Variants in CYP7B1 observed in about 807,000 individuals in gnomAD.
CYP7B1 encodes cytochrome P450 7B1.
CYP7B1 carries 29 observed loss-of-function variants against 42.7 expected under a neutral mutation model. The observed-to-expected ratio is 0.68, with a 90% CI of 0.51 to 0.93. The LOEUF is 0.93. Among genes scored for constraint, CYP7B1 ranks in the 40% least tolerant of loss-of-function variants. The pLI is 0.00. For synonymous variants in CYP7B1, 235 were observed against 218.2 expected, an observed-to-expected ratio of 1.08 and a Z score of -0.68; for missense variants, 655 against 600.5, an observed-to-expected ratio of 1.09 and a Z score of -0.95.
chr8:64,619,710 A>G (rs1805498966), intron 2 of CYP7B1, among the ~76,000 whole-genome samples: 2 of 152,182 alleles, frequency 1.3e-5, no homozygotes, highest in Non-Finnish European at 2.9e-5. Context: ...TTCCGTTAAA[A>G]TTAATTCTTT....
At chr8:64,602,938 T>C (rs1008667026) in intron 5 of CYP7B1, among the ~76,000 whole-genome samples, 3 of 152,062 alleles carry the variant, frequency 2.0e-5, no homozygotes, top group Admixed American at 2.0e-4. Context: ...AGCTATATCA[T>C]TTTTTTTCTG....
At chr8:64,638,655 G>A (rs1805809211) in intron 1 of CYP7B1, among the ~76,000 whole-genome samples, 3 of 152,100 alleles carry the variant, frequency 2.0e-5, no homozygotes, top group Non-Finnish European at 1.5e-5. Context: ...AGTTATACAA[G>A]TTGTTAGTTA....
intron 1 of CYP7B1, among the ~76,000 whole-genome samples, chr8:64,655,786 A>T (rs1402482229): frequency 6.6e-6 from 1 of 151,980 alleles, no homozygotes; most frequent in African/African-American, 2.4e-5. Context: ...TGAAACAGAT[A>T]AAAAAATGTG....
chr8:64,761,206 G>A (rs980923460), intron 1 of CYP7B1, among the ~76,000 whole-genome samples: 4 of 152,126 alleles, frequency 2.6e-5, no homozygotes, highest in Non-Finnish European at 5.9e-5. Context: ...ATGGGTAGAT[G>A]TTAGTCAAAG....
chr8:64,731,396 CAA>C (rs929446904), intron 1 of CYP7B1, among the ~76,000 whole-genome samples: 15 of 152,062 alleles, frequency 9.9e-5, no homozygotes, highest in African/African-American at 2.9e-4. Flanking sequence ...TATGTTTTAG[CAA>C]AGAGACTGGC....
At chr8:64,651,873 AGCC>A (rs1333597059) in intron 1 of CYP7B1, among the ~76,000 whole-genome samples, 1 of 152,208 alleles carries the variant, frequency 6.6e-6, no homozygotes, top group African/African-American at 2.4e-5. Context: ...CTGTTATAAT[AGCC>A]TGAATGAACT....
chr8:64,730,863 G>C (rs1248824721), intron 1 of CYP7B1, among the ~76,000 whole-genome samples: 2 of 152,002 alleles, frequency 1.3e-5, no homozygotes, highest in African/African-American at 4.8e-5. Flanking sequence ...CATACTAGGG[G>C]AGGGATCTTG....
intron 1 of CYP7B1, among the ~76,000 whole-genome samples, chr8:64,793,113 A>G (rs1804647229): frequency 6.6e-6 from 1 of 152,214 alleles, no homozygotes; most frequent in South Asian, 2.1e-4. Flanking sequence ...TAGACGGTCC[A>G]GAAGGAATAC....
At chr8:64,780,182 T>C (rs988195645) in intron 1 of CYP7B1, among the ~76,000 whole-genome samples, 1 of 152,134 alleles carries the variant, frequency 6.6e-6, no homozygotes, top group Non-Finnish European at 1.5e-5. Context: ...TCAATTTGTA[T>C]GCAGTTTGTA....
chr8:64,704,915 T>C (rs897466589), intron 1 of CYP7B1, among the ~76,000 whole-genome samples: 2 of 152,060 alleles, frequency 1.3e-5, no homozygotes, highest in Non-Finnish European at 2.9e-5. Flanking sequence ...CTACACTTAC[T>C]TAGTTCCACT....
chr8:64,606,397 A>G (rs1359036719), intron 4 of CYP7B1, among the ~76,000 whole-genome samples: 1 of 152,230 alleles, frequency 6.6e-6, no homozygotes, highest in Non-Finnish European at 1.5e-5. Context: ...ATAGCACAGC[A>G]TCCTTTTAGC....
intron 1 of CYP7B1, among the ~76,000 whole-genome samples, chr8:64,763,193 C>T (rs1016118795): frequency 2.6e-5 from 4 of 152,204 alleles, no homozygotes; most frequent in African/African-American, 9.6e-5. Context: ...TGCTCCTGAT[C>T]GGGCTAAAGG....
chr8:64,693,361 G>A (rs1806776836), intron 1 of CYP7B1, among the ~76,000 whole-genome samples: 1 of 152,168 alleles, frequency 6.6e-6, no homozygotes, highest in African/African-American at 2.4e-5. Flanking sequence ...ACAGGCATGT[G>A]TCTTTGTGTG....
At chr8:64,777,889 T>TA (rs1166394318) in intron 1 of CYP7B1, among the ~76,000 whole-genome samples, 4 of 151,842 alleles carry the variant, frequency 2.6e-5, no homozygotes, top group Admixed American at 6.6e-5. Context: ...TCAATTTCTG[T>TA]AAAAAAATAA....
intron 1 of CYP7B1, among the ~76,000 whole-genome samples, chr8:64,736,461 A>AT (rs1225036730): frequency 6.6e-6 from 1 of 151,972 alleles, no homozygotes; most frequent in Non-Finnish European, 1.5e-5. Context: ...TATTTATTTT[A>AT]TTTTTTTGAG....
rs1327050853 is a variant in CYP7B1, at chr8:64,596,409, G to A, written c.*233C>T. The A allele has an allele frequency of 1.6e-5, 7 of 450,316 alleles. No homozygotes were observed. The East Asian group carries it at 2.7e-4, about 18-fold the overall frequency. 27.9% of individuals were successfully genotyped at this position (450,316 alleles called of 1,614,324 possible). A position where few individuals can be genotyped will look rare whatever the true frequency, so the allele number is the denominator to read the frequency against. On this transcript the variant is annotated 3_prime_UTR_variant, in exon 6 of 6. Transcript: ENST00000310193. ...AAACTAAAAAAACAACAACAACCCT[G>A]TTTTGAGCCTACCCTTAAGTTGATT...
intron 2 of CYP7B1, among the ~76,000 whole-genome samples, chr8:64,620,925 A>C (rs1805521216): frequency 6.6e-6 from 1 of 152,196 alleles, no homozygotes; most frequent in Non-Finnish European, 1.5e-5. Flanking sequence ...TTGAAAAGTG[A>C]ATAAAGTGAT....
intron 1 of CYP7B1, among the ~76,000 whole-genome samples, chr8:64,698,792 C>A (rs1469682117): frequency 2.0e-5 from 3 of 151,880 alleles, no homozygotes; most frequent in African/African-American, 7.3e-5. Context: ...AAAGAATGAC[C>A]CAAATTAGTA....
intron 1 of CYP7B1, among the ~76,000 whole-genome samples, chr8:64,691,932 CA>C (rs1019926515): frequency 2.6e-5 from 4 of 152,228 alleles, no homozygotes; most frequent in Admixed American, 1.3e-4. Flanking sequence ...ATACCTCAAA[CA>C]TGTTTTTTCT....
Sources: gnomAD v4.1 joint callset for allele counts (sites outside exome capture counted in the v4.1 genomes callset) on GRCh38, gnomAD v4.1.1 for gene constraint, MANE v1.5 for transcripts, NCBI Gene and HGNC (gene_info 2026-07-23, HGNC 2026-07-21) for gene names.